Variants in STRBP observed in about 807,000 individuals in gnomAD.
The protein encoded by STRBP is spermatid perinuclear RNA binding protein, also known as spermatid perinuclear RNA-binding protein.
In STRBP, 13 loss-of-function variants were observed where a neutral mutation model predicts 80.1. The observed-to-expected ratio is 0.16, with a 90% CI of 0.11 to 0.26. The LOEUF is 0.26. Among genes scored for constraint, STRBP ranks in the 10% least tolerant of loss-of-function variants. The pLI, the probability that STRBP is intolerant of heterozygous loss-of-function variation, is 1.00. For synonymous variants in STRBP, 284 were observed against 291.2 expected, an observed-to-expected ratio of 0.98 and a Z score of 0.25; for missense variants, 485 against 815.2, an observed-to-expected ratio of 0.59 and a Z score of 4.93.
chr9:123,253,533 G>C (rs1282655918), intron 1 of STRBP, among the ~76,000 whole-genome samples: 1 of 152,150 alleles, frequency 6.6e-6, no homozygotes, highest in African/African-American at 2.4e-5. Context: ...AATAGATATG[G>C]ATTTGAATCC....
intron 2 of STRBP, among the ~76,000 whole-genome samples, chr9:123,186,312 C>T (rs1224635356): frequency 6.6e-6 from 1 of 152,150 alleles, no homozygotes; most frequent in Non-Finnish European, 1.5e-5. Flanking sequence ...CACACCACTG[C>T]CCTCCAGCCT....
chr9:123,223,072 TAGATA>T (rs1429238515), intron 2 of STRBP, among the ~76,000 whole-genome samples: 2 of 151,580 alleles, frequency 1.3e-5, no homozygotes, highest in Non-Finnish European at 2.9e-5. Context: ...GATAGATAGA[TAGATA>T]GATAGATAGA....
At chr9:123,242,677 G>A (rs1026762668) in intron 1 of STRBP, among the ~76,000 whole-genome samples, 3 of 151,984 alleles carry the variant, frequency 2.0e-5, no homozygotes, top group Admixed American at 6.6e-5. Flanking sequence ...TAAATAAACA[G>A]AATTGAAATG....
Position 123,179,134 on chromosome 9 carries a change from T to C in STRBP, c.97A>G (p.Asn33Asp). ...PSPEELEAVQNMVSTVECALK... is the reference protein window; with the variant it reads ...PSPEELEAVQDMVSTVECALK... ...GCACATTCAACAGTAGATACCATAT[T>C]CTGAACAGCTTCAAGTTCCTCCGGA... Residue 33 changes from asparagine (N) to aspartate (D), a missense_variant, in exon 4 of 19, where the codon AAT (asparagine) becomes GAT (aspartate). Physicochemically the swap from Asn to Asp is conservative, Grantham distance 23 (BLOSUM62 1). Coordinates refer to ENST00000348403, the MANE Select transcript of STRBP (RefSeq NM_018387.5). 6.2e-7 allele frequency: 1 copy of C among 1,614,114 alleles called. No homozygotes were observed. The highest frequency in any genetic ancestry group is 2.2e-5 in the East Asian group (1 of 44,878).
intron 5 of STRBP, among the ~76,000 whole-genome samples, chr9:123,172,182 TA>T (rs2132431906): frequency 6.6e-6 from 1 of 152,244 alleles, no homozygotes; most frequent in Admixed American, 6.5e-5. Context: ...ATCATTCTCA[TA>T]AGAAACAAGA....
rs964407158 is a variant in STRBP at position 123,128,153 on chromosome 9, CTG to C, written c.1942+59_1942+60del. 99 of 1,588,342 alleles carry C rather than the reference CTG, an allele frequency of 6.2e-5. No individual in the cohort carries two copies. In the Admixed American group the frequency reaches 1.2e-3, roughly 20 times the overall value. On this transcript the variant is annotated intron_variant, in intron 18 of 18. Coordinates refer to ENST00000348403, the MANE Select transcript of STRBP (RefSeq NM_018387.5). The stretch of plus-strand genomic sequence containing the variant: ...AATTTACAAAAACCCTAGATAGAAA[CTG>C]TGCTTTGGATTGCTGTGACAGTCGC...
Position 123,126,996 on chromosome 9 carries a change from T to G in STRBP, c.1942+1218A>C, listed in dbSNP as rs2035921046. Among the ~76,000 whole-genome samples, 1 of 152,170 alleles carries G rather than the reference T, an allele frequency of 6.6e-6. No homozygotes were observed. Among genetic ancestry groups the G allele is most frequent in the African/African-American group, 2.4e-5 (1 of 41,434 alleles). ...TTCCTAGTTACCCATACGGCTCAGT[T>G]CAAAATATGGGGAAGCCTTGACCAC... On this transcript the variant is annotated intron_variant, in intron 18 of 18. Coordinates refer to ENST00000348403, the MANE Select transcript of STRBP (RefSeq NM_018387.5). This position sits in a 1 kb window ranked among gnomAD's most constrained non-coding sequence, Gnocchi z 4.4.
In STRBP at chr9:123,173,886, C is replaced by T. The variant is rs530605092; in HGVS notation, c.225-44G>A. ...ATGATTACTTTCACAACCTATTTCC[C>T]AAACTATAACTTAATCATCACTTGG... On this transcript the variant is annotated intron_variant, in intron 4 of 18. Transcript: ENST00000348403. 8 of 1,550,888 alleles carry T rather than the reference C, an allele frequency of 5.2e-6. No individual in the cohort carries two copies. The African/African-American group carries it at 1.1e-4, about 21-fold the overall frequency.
At chr9:123,158,569 T>A in intron 9 of STRBP, 140 bp from the exon 10 acceptor site, 2 of 683,502 alleles carry the variant, frequency 2.9e-6, no homozygotes, top group Non-Finnish European at 2.4e-6. Context: ...TCTGCTCAGT[T>A]AAGTGGAGTA....
chr9:123,241,509 C>T (rs1025704059), intron 1 of STRBP, among the ~76,000 whole-genome samples: 12 of 151,884 alleles, frequency 7.9e-5, no homozygotes, highest in Admixed American at 6.6e-4. Flanking sequence ...ACCTTGTCAA[C>T]CCGCACACAC....
chr9:123,164,508 A>C (rs192242957), intron 6 of STRBP, among the ~76,000 whole-genome samples: 49 of 152,358 alleles, frequency 3.2e-4, no homozygotes, highest in Admixed American at 4.6e-4. Context: ...ACCATACCAC[A>C]GGAAATGTTG....
intron 4 of STRBP, among the ~76,000 whole-genome samples, chr9:123,178,373 A>T (rs1426458090): frequency 6.6e-6 from 1 of 152,216 alleles, no homozygotes; most frequent in African/African-American, 2.4e-5. Context: ...TTAGCCTGGC[A>T]TAAAAAGATT....
At chr9:123,168,042 G>T in intron 6 of STRBP, 2 of 181,910 alleles carry the variant, frequency 1.1e-5, no homozygotes, top group Non-Finnish European at 2.1e-5. Context: ...ACAGATACAA[G>T]CAAACATGTA....
chr9:123,191,119 GT>G (rs1205869651), intron 2 of STRBP, among the ~76,000 whole-genome samples: 2 of 152,162 alleles, frequency 1.3e-5, no homozygotes, highest in Non-Finnish European at 2.9e-5. Context: ...TTAGCAGTAC[GT>G]TAGAAGGTGT....
At chr9:123,204,229 A>AT (rs1402603600) in intron 2 of STRBP, among the ~76,000 whole-genome samples, 1 of 152,206 alleles carries the variant, frequency 6.6e-6, no homozygotes, top group Non-Finnish European at 1.5e-5. Context: ...GAACAGATAA[A>AT]TTTTTTAATA....
At chr9:123,111,470 A>C (rs1415409728) in intron 3 of STRBP, 1 of 340,328 alleles carries the variant, frequency 2.9e-6, no homozygotes, top group South Asian at 2.2e-5. Flanking sequence ...GGTTAGAGTC[A>C]AGCAACTTTC....
At chr9:123,209,045 T>G (rs1319931790) in intron 2 of STRBP, among the ~76,000 whole-genome samples, 1 of 152,186 alleles carries the variant, frequency 6.6e-6, no homozygotes, top group Non-Finnish European at 1.5e-5. Context: ...CACTGAGCTC[T>G]CCTCATAAAT....
intron 1 of STRBP, among the ~76,000 whole-genome samples, chr9:123,254,664 A>T (rs990092963): frequency 1.3e-5 from 2 of 152,136 alleles, no homozygotes; most frequent in Non-Finnish European, 2.9e-5. Flanking sequence ...GCCAAGATTT[A>T]AAAAAATTTA....
rs781449842 is a variant in STRBP, at chr9:123,125,641, T to G, written c.1975A>C (p.Met659Leu). The G allele has an allele frequency of 1.9e-6, 3 of 1,613,602 alleles. No individual in the cohort carries two copies. Among genetic ancestry groups the G allele is most frequent in the Non-Finnish European group, 2.5e-6 (3 of 1,179,796 alleles). ...GGAACAGGATATGTTGGAAATTTCA[T>G]AACGGGTAACAGAACCATTCTCTTG... is the stretch of plus-strand genomic sequence containing the variant. The part of the protein sequence containing the change: ...LPKRMVLLPV[M>L]KFPTYPVPHY... The change falls in exon 19 of 19, where the codon ATG becomes CTG. Residue 659 changes from methionine (M) to leucine (L), a missense_variant. By Grantham distance (15) the Met-to-Leu change is conservative. Around this residue, in one of 3 missense-constraint regions of STRBP, gnomAD observed 85 missense variants for 120.1 expected, o/e 0.71. Coordinates refer to ENST00000348403, the MANE Select transcript of STRBP (RefSeq NM_018387.5).
Sources: allele counts gnomAD v4.1 joint callset (sites outside exome capture counted in the v4.1 genomes callset), GRCh38; gene constraint gnomAD v4.1.1; regional missense constraint gnomAD v4.1.1; non-coding constraint Gnocchi (gnomAD v3.1); transcripts MANE v1.5; gene names NCBI Gene and HGNC (gene_info 2026-07-23, HGNC 2026-07-21).